PARD3: variants seen among roughly 807,000 people sequenced by gnomAD.
PARD3 encodes the protein partitioning defective 3 homolog.
A neutral mutation model predicts 155.4 loss-of-function variants in PARD3; 75 were observed. The ratio of observed to expected loss-of-function variants is 0.48; its 90% CI spans 0.40 to 0.58. The LOEUF (loss-of-function observed/expected upper bound fraction) is 0.58, where lower values mean the gene tolerates loss of function less well. PARD3 is among the 20% of genes least tolerant of loss of function. PARD3 has a pLI of 0.00. For missense variants in PARD3, 1,642 were observed against 1,721.7 expected (o/e 0.95, Z 0.82); for synonymous variants, 576 against 610.5 (o/e 0.94, Z 0.83).
chr10:34,695,993 G>A (rs983311548), intron 2 of PARD3, among the ~76,000 whole-genome samples: 6 of 152,210 alleles, frequency 3.9e-5, no homozygotes, highest in African/African-American at 1.4e-4. Flanking sequence ...ACAGGCCCGA[G>A]TTGTGAAGAA....
intron 1 of PARD3, among the ~76,000 whole-genome samples, chr10:34,741,786 A>T (rs2095023534): frequency 6.6e-6 from 1 of 152,228 alleles, no homozygotes; most frequent in Non-Finnish European, 1.5e-5. Flanking sequence ...TTATAGTCTA[A>T]CAGAAGTTAA....
At chr10:34,300,292 T>C (rs926199680) in intron 20 of PARD3, among the ~76,000 whole-genome samples, 10 of 152,250 alleles carry the variant, frequency 6.6e-5, no homozygotes, top group African/African-American at 1.9e-4. Flanking sequence ...TGTGAGTACA[T>C]AGTGGGGGCT....
At chr10:34,152,025 T>C (rs773881901) in intron 22 of PARD3, among the ~76,000 whole-genome samples, 1 of 152,160 alleles carries the variant, frequency 6.6e-6, no homozygotes, top group Non-Finnish European at 1.5e-5. Flanking sequence ...ACTTTTGCCT[T>C]TTCTTAAAAG....
intron 1 of PARD3, among the ~76,000 whole-genome samples, chr10:34,793,047 C>T (rs889037147): frequency 6.6e-6 from 1 of 152,202 alleles, no homozygotes. Flanking sequence ...GCAGCAGGGA[C>T]TGCAGGTGTG....
At chr10:34,252,449 C>A (rs1391223460) in intron 22 of PARD3, among the ~76,000 whole-genome samples, 1 of 152,154 alleles carries the variant, frequency 6.6e-6, no homozygotes, top group Non-Finnish European at 1.5e-5. Flanking sequence ...GCAAACTTAA[C>A]CCTGATGGCC....
chr10:34,689,026 T>C (rs938942348), intron 2 of PARD3, among the ~76,000 whole-genome samples: 13 of 152,166 alleles, frequency 8.5e-5, no homozygotes, highest in Admixed American at 5.2e-4. Flanking sequence ...CCCAGGACCC[T>C]TCACAGAGAT....
chr10:34,784,922 C>CAG (rs60747140), intron 1 of PARD3, among the ~76,000 whole-genome samples: 4,689 of 152,260 alleles, frequency 0.031, 241 homozygotes, highest in African/African-American at 0.11. Context: ...TTCCCATTTT[C>CAG]ACCTCTTAAT....
intron 5 of PARD3, among the ~76,000 whole-genome samples, chr10:34,422,492 A>C (rs1047911563): frequency 4.6e-5 from 7 of 152,142 alleles, no homozygotes; most frequent in African/African-American, 1.7e-4. Context: ...TAAAAACACA[A>C]TGTATGGAAT....
chr10:34,608,439 A>C (rs1336189611), intron 2 of PARD3, among the ~76,000 whole-genome samples: 2 of 152,146 alleles, frequency 1.3e-5, no homozygotes, highest in African/African-American at 4.8e-5. Context: ...GCACCACCAC[A>C]ATCAGCTCTC....
intron 1 of PARD3, among the ~76,000 whole-genome samples, chr10:34,764,632 T>C (rs908145138): frequency 1.3e-5 from 2 of 152,114 alleles, no homozygotes; most frequent in Admixed American, 6.5e-5. Context: ...CTGTTTACTT[T>C]GAAAATTTCC....
intron 11 of PARD3, among the ~76,000 whole-genome samples, chr10:34,374,542 G>A (rs946183634): frequency 2.6e-5 from 4 of 152,272 alleles, no homozygotes; most frequent in South Asian, 2.1e-4. Context: ...AGCTTTCAGC[G>A]ACAGTCTGTG....
At chr10:34,123,262 C>T (rs1015821530) in intron 23 of PARD3, among the ~76,000 whole-genome samples, 1 of 151,958 alleles carries the variant, frequency 6.6e-6, no homozygotes, top group Non-Finnish European at 1.5e-5. Flanking sequence ...CTCTTCATGG[C>T]CTATGTTTAA....
intron 22 of PARD3, among the ~76,000 whole-genome samples, chr10:34,233,120 GC>G (rs1953027229): frequency 7.0e-6 from 1 of 142,294 alleles, no homozygotes; most frequent in Admixed American, 7.4e-5. Context: ...AGAATGGAGT[GC>G]CCTTGCCTCC....
intron 1 of PARD3, among the ~76,000 whole-genome samples, chr10:34,813,029 C>T (rs865926463): frequency 7.2e-5 from 11 of 152,200 alleles, no homozygotes; most frequent in South Asian, 2.1e-4. Flanking sequence ...TGCTCAGCTT[C>T]TCACAGCCAG....
intron 22 of PARD3, among the ~76,000 whole-genome samples, chr10:34,149,533 A>G (rs191408983): frequency 6.6e-6 from 1 of 152,262 alleles, no homozygotes; most frequent in East Asian, 1.9e-4. Flanking sequence ...AAAAAATGTT[A>G]TTTGATTTGT....
At chr10:34,376,171 T>C (rs961703759) in intron 10 of PARD3, among the ~76,000 whole-genome samples, 6 of 152,196 alleles carry the variant, frequency 3.9e-5, no homozygotes, top group Admixed American at 2.0e-4. Context: ...GCTACAACTG[T>C]AGATACTAGA....
At chr10:34,129,196 A>C (rs1435484394) in intron 23 of PARD3, among the ~76,000 whole-genome samples, 1 of 152,152 alleles carries the variant, frequency 6.6e-6, no homozygotes, top group Non-Finnish European at 1.5e-5. Context: ...TCTGTCGTCC[A>C]GGCTGGAGGG....
At chr10:34,641,247 C>T (rs2490814) in intron 2 of PARD3, among the ~76,000 whole-genome samples, 79,971 of 152,000 alleles carry the variant, frequency 0.53, 24,416 homozygotes, top group African/African-American at 0.86. Flanking sequence ...TAAACACACA[C>T]CCAAGGAGGC....
At position 34,304,783 on chromosome 10, in the gene PARD3, A is replaced by C. The variant is rs1589119513; in HGVS notation, c.3065+12324T>G. Among the ~76,000 whole-genome samples the C allele has an allele frequency of 2.0e-5, 3 of 152,326 alleles. No homozygotes were observed. The East Asian group carries it at 5.8e-4, about 29-fold the overall frequency. ...ATGAGGTGTAAAGGGGTTATTGAAA[A>C]CAATGTTCTCTGCAGTGTCCACCAG... On this transcript the variant is annotated intron_variant, in intron 20 of 24. Transcript: ENST00000374788.
Sources: allele counts gnomAD v4.1 joint callset (sites outside exome capture counted in the v4.1 genomes callset), GRCh38; gene constraint gnomAD v4.1.1; transcripts MANE v1.5; gene names NCBI Gene and HGNC (gene_info 2026-07-23, HGNC 2026-07-21).